Variants in LRRC32 observed in about 807,000 individuals in gnomAD.
The protein encoded by LRRC32 is transforming growth factor beta activator LRRC32.
A neutral mutation model predicts 15.0 loss-of-function variants in LRRC32; 5 were observed. The observed-to-expected ratio is 0.33, with a 90% confidence interval of 0.17 to 0.70. The LOEUF is 0.70. Ranked by LOEUF, LRRC32 falls within the 30% of genes least tolerant of loss-of-function variation. The pLI is 0.66. For missense variants in LRRC32, 803 were observed against 854.2 expected (o/e 0.94, Z 0.75); for synonymous variants, 391 against 403.9 (o/e 0.97, Z 0.38).
intron 2 of LRRC32, 50 bp from the exon 3 acceptor site, chr11:76,661,558 G>C: frequency 6.6e-7 from 1 of 1,512,264 alleles, no homozygotes; most frequent in Non-Finnish European, 8.9e-7. Context: ...GGCACGGTAG[G>C]GGATGAAACC....
At position 76,660,779 on chromosome 11, in the gene LRRC32, A is replaced by G. The variant is rs543381121; in HGVS notation, c.814T>C (p.Leu272=). ...GGGAGCCGGATGAGGTTGTTGGACAAGTTCAGGTAGATGAGTCTCGGGAGC... is the reference window on the plus strand; with the variant it reads ...GGGAGCCGGATGAGGTTGTTGGACAGGTTCAGGTAGATGAGTCTCGGGAGC... ...AALPRLIYLN[L]SNNLIRLPTG... is the part of the protein sequence containing the mutation. Residue 272 remains leucine, a synonymous_variant, in exon 3 of 3, where the codon TTG becomes CTG. Transcript: ENST00000260061. The G allele has an allele frequency of 6.2e-7, 1 of 1,613,892 alleles. No individual in the cohort carries two copies. The highest frequency in any genetic ancestry group is 2.2e-5 in the East Asian group (1 of 44,846).
intron 1 of LRRC32, among the ~76,000 whole-genome samples, chr11:76,667,891 G>T (rs1458181187): frequency 7.2e-5 from 11 of 152,192 alleles, no homozygotes; most frequent in Admixed American, 7.2e-4. Context: ...CTCCTCTTCT[G>T]CTAAAGACCT....
At chr11:76,662,363 G>C (rs1488595395) in intron 2 of LRRC32, among the ~76,000 whole-genome samples, 1 of 152,134 alleles carries the variant, frequency 6.6e-6, no homozygotes, top group African/African-American at 2.4e-5. Context: ...CTCAGCATTT[G>C]ACATCTTGGT....
Position 76,659,532 on chromosome 11 carries a change from G to T in LRRC32, c.*72C>A. The T allele has an allele frequency of 6.7e-7, 1 of 1,484,680 alleles. No individual in the cohort carries two copies. The highest frequency in any genetic ancestry group is 9.2e-7 in the Non-Finnish European group (1 of 1,092,452). 92.0% of individuals were successfully genotyped at this position (1,484,680 alleles called of 1,614,324 possible). ...GTTCTGGGATCCCGGATCACTGTGT[G>T]ACCTTGAGTCAGTCCTCACTCTTCT... On this transcript the variant is annotated 3_prime_UTR_variant, in exon 3 of 3. Coordinates refer to ENST00000260061, the MANE Select transcript of LRRC32 (RefSeq NM_001128922.2).
chr11:76,668,802 C>T (rs980236229), intron 1 of LRRC32, among the ~76,000 whole-genome samples: 1 of 152,140 alleles, frequency 6.6e-6, no homozygotes, highest in Admixed American at 6.5e-5. Context: ...CTTATTTCCC[C>T]TTCCTCTGCC....
chr11:76,660,625 C>T lies in LRRC32; in HGVS notation c.968G>A (p.Ser323Asn), dbSNP rs748446324. The change falls in exon 3 of 3, where the codon AGC becomes AAC. Residue 323 changes from serine to asparagine, a missense_variant. Physicochemically the swap from Ser to Asn is conservative, Grantham distance 46. Coordinates refer to ENST00000260061, the MANE Select transcript of LRRC32 (RefSeq NM_001128922.2). ...PLSQLLNLDL[S>N]YNEIELIPDS... Reference sequence around the variant, plus strand: ...GGGGATGAGCTCAATCTCATTGTAGCTCAAATCCAGATTCAAGAGCTGGGA... The same window carrying T: ...GGGGATGAGCTCAATCTCATTGTAGTTCAAATCCAGATTCAAGAGCTGGGA... The T allele has an allele frequency of 3.1e-6, 5 of 1,614,004 alleles. No individual in the cohort carries two copies. Among genetic ancestry groups the T allele is most frequent in the South Asian group, 1.1e-5 (1 of 91,070 alleles).
Position 76,659,636 on chromosome 11 carries a change from G to A in LRRC32, c.1957C>T (p.Arg653Trp), listed in dbSNP as rs148890051. 156 of 1,614,014 alleles carry A rather than the reference G, an allele frequency of 9.7e-5. No individual in the cohort carries two copies. The highest frequency in any genetic ancestry group is 1.3e-4 in the Non-Finnish European group (149 of 1,180,030). The change falls in exon 3 of 3, where the codon CGG becomes TGG. Residue 653 changes from arginine (R) to tryptophan (W), a missense_variant. Transcript: ENST00000260061. ...TTATACTGTTGGTTAAACTTCTGCC[G>A]GCGGACGCAGCAGCAGGCGGCCAGC... is the stretch of plus-strand genomic sequence containing the variant. Reference protein sequence around the residue: ...TTLAACCCVRRQKFNQQYKA With the variant: ...TTLAACCCVRWQKFNQQYKA
rs558991250 is a variant in LRRC32, at chr11:76,668,833, G to C, written c.-5+1781C>G. On this transcript the variant is annotated intron_variant, in intron 1 of 2. Coordinates refer to ENST00000260061, the MANE Select transcript of LRRC32 (RefSeq NM_001128922.2). ...CTGCCAAACCCCACTCTATCCCCAA[G>C]GTGGCCCTGTGCACATCCAGAAGGG... Among the ~76,000 whole-genome samples the C allele has an allele frequency of 3.9e-5, 6 of 152,292 alleles. No homozygotes were observed. The South Asian group carries it at 8.3e-4, about 21-fold the overall frequency.
At chr11:76,667,556 T>C (rs1441949160) in intron 1 of LRRC32, among the ~76,000 whole-genome samples, 1 of 152,220 alleles carries the variant, frequency 6.6e-6, no homozygotes, top group Non-Finnish European at 1.5e-5. Context: ...CCCTATTCCC[T>C]GGCTCCCCTC....
At position 76,660,090 on chromosome 11, in the gene LRRC32, G is replaced by A. The variant is rs142041220; in HGVS notation, c.1503C>T (p.Asn501=). Residue 501 remains asparagine (N), a synonymous_variant, in exon 3 of 3, where the codon AAC becomes AAT. Transcript: ENST00000260061. ...GGTCCACCTGCAGGACCATCAGCCC[G>A]TTGCCCTGCAGTGCCAGGACCTCCA... The part of the protein sequence containing the change: ...ASLEVLALQG[N]GLMVLQVDLP... 284 of 1,614,052 alleles carry A rather than the reference G, an allele frequency of 1.8e-4. 1 individual carries two copies. The African/African-American group carries it at 2.5e-3, about 14-fold the overall frequency.
chr11:76,666,250 G>A lies in LRRC32; in HGVS notation c.-4-292C>T, dbSNP rs573696409. ...GGGTTTTCAAGAGACCCCACCTGGC[G>A]GAAGACAGCCTGGAGGGGATGCACA... On this transcript the variant is annotated intron_variant, in intron 1 of 2. Coordinates refer to ENST00000260061, the MANE Select transcript of LRRC32 (RefSeq NM_001128922.2). Among the ~76,000 whole-genome samples the A allele has an allele frequency of 5.9e-5, 9 of 152,282 alleles. No individual in the cohort carries two copies. The East Asian group carries it at 9.6e-4, about 16-fold the overall frequency.
chr11:76,666,886 C>T (rs114194643), intron 1 of LRRC32, among the ~76,000 whole-genome samples: 5 of 152,302 alleles, frequency 3.3e-5, no homozygotes, highest in East Asian at 1.9e-4. Context: ...CAAATGAACA[C>T]GAAAAAGAAG....
chr11:76,663,194 A>G (rs1271754498), intron 2 of LRRC32: 1 of 152,268 alleles, frequency 6.6e-6, no homozygotes, highest in Non-Finnish European at 1.5e-5. Flanking sequence ...TTCCTAATGA[A>G]TGAGTCCCAG....
chr11:76,668,323 A>G (rs552247850), intron 1 of LRRC32, among the ~76,000 whole-genome samples: 2 of 151,814 alleles, frequency 1.3e-5, no homozygotes, highest in South Asian at 4.2e-4. Context: ...CGCCACCCCA[A>G]TCCTGGCCTT....
chr11:76,658,783 C>A lies in LRRC32; in HGVS notation c.*821G>T, dbSNP rs559830301. 2 of 152,854 alleles carry A rather than the reference C, an allele frequency of 1.3e-5. No homozygotes were observed. Among genetic ancestry groups the A allele is most frequent in the Admixed American group, 1.3e-4 (2 of 15,280 alleles). 9.5% of individuals were successfully genotyped at this position (152,854 alleles called of 1,614,324 possible). On this transcript the variant is annotated 3_prime_UTR_variant, in exon 3 of 3. Coordinates refer to ENST00000260061, the MANE Select transcript of LRRC32 (RefSeq NM_001128922.2). The stretch of plus-strand genomic sequence containing the variant: ...TGGCTCAGCAGCCAAGGTGGGGCTG[C>A]GATGGAGAAGTGGGGCTGGGCAGGG...
At chr11:76,661,574 T>C (rs1328468069) in intron 2 of LRRC32, 66 bp from the exon 3 acceptor site, 1 of 1,479,694 alleles carries the variant, frequency 6.8e-7, no homozygotes, top group Non-Finnish European at 9.0e-7. Context: ...AAACCAGACA[T>C]GTTTATCCAG....
At position 76,660,408 on chromosome 11, in the gene LRRC32, G is replaced by T. The variant is rs1461244316; in HGVS notation, c.1185C>A (p.Gly395=). ...LGSLRTLLLQ[G]NALRDLPPYT... The stretch of plus-strand genomic sequence containing the variant: ...ATGGGGGCAGGTCCCGCAGGGCATT[G>T]CCCTGTAGGAGCAGCGTCCGCAGAG... Residue 395 remains glycine, a synonymous_variant, in exon 3 of 3, where the codon GGC becomes GGA. Transcript: ENST00000260061. 5 of 1,613,544 alleles carry T rather than the reference G, an allele frequency of 3.1e-6. No homozygotes were observed. Among genetic ancestry groups the T allele is most frequent in the Non-Finnish European group, 3.4e-6 (4 of 1,179,866 alleles).
Position 76,660,022 on chromosome 11 carries a change from T to A in LRRC32, c.1571A>T (p.Asn524Ile). The A allele has an allele frequency of 6.2e-7, 1 of 1,614,090 alleles. No individual in the cohort carries two copies. The highest frequency in any genetic ancestry group is 1.3e-5 in the African/African-American group (1 of 75,048). Residue 524 changes from asparagine to isoleucine, a missense_variant, in exon 3 of 3, where the codon AAC becomes ATC. Coordinates refer to ENST00000260061, the MANE Select transcript of LRRC32 (RefSeq NM_001128922.2). Reference sequence around the variant, plus strand: ...CCAGGCGGGAAGGTGGCTCAGGCGGTTCTCGGCAAGATTGAGCCGCTTGAG... The same window carrying A: ...CCAGGCGGGAAGGTGGCTCAGGCGGATCTCGGCAAGATTGAGCCGCTTGAG... ...ICLKRLNLAE[N>I]RLSHLPAWTQ...
chr11:76,662,767 G>C (rs1952558514), intron 2 of LRRC32: 5 of 152,330 alleles, frequency 3.3e-5, no homozygotes, highest in Admixed American at 3.3e-4. Flanking sequence ...CTGCTCAAAA[G>C]CTCTACTCTG....
Sources: allele counts gnomAD v4.1 joint callset (sites outside exome capture counted in the v4.1 genomes callset), GRCh38; gene constraint gnomAD v4.1.1; transcripts MANE v1.5; gene names NCBI Gene and HGNC (gene_info 2026-07-23, HGNC 2026-07-21).